Variants in NANOS2 observed in about 807,000 individuals in gnomAD.
NANOS2 encodes the protein nanos C2HC-type zinc finger 2.
A neutral mutation model predicts 6.4 loss-of-function variants in NANOS2; 3 were observed. The observed-to-expected ratio is 0.47, with a 90% confidence interval of 0.22 to 1.22. The LOEUF is 1.22. NANOS2 is among the 50% of genes most tolerant of loss of function. The pLI, the probability that NANOS2 is intolerant of heterozygous loss-of-function variation, is 0.22. For synonymous variants in NANOS2, 86 were observed against 85.6 expected (o/e 1.00, Z -0.03); for missense variants, 177 against 191.0 (o/e 0.93, Z 0.43).
In NANOS2 at chr19:45,914,725, G is replaced by C. The variant is rs1967452418; in HGVS notation, c.-32C>G. Reference sequence around the variant, plus strand: ...AAAGCAGGGGTGGTGGGCCACAGGAGAGGGGCTGGGGCTGGGGGCCCGTGG... The same window carrying C: ...AAAGCAGGGGTGGTGGGCCACAGGACAGGGGCTGGGGCTGGGGGCCCGTGG... On this transcript the variant is annotated 5_prime_UTR_variant, in exon 1 of 1. Coordinates refer to ENST00000341294, the MANE Select transcript of NANOS2 (RefSeq NM_001029861.3). The C allele has an allele frequency of 2.5e-6, 4 of 1,581,584 alleles. No individual in the cohort carries two copies. Among genetic ancestry groups the C allele is most frequent in the South Asian group, 1.2e-5 (1 of 85,796 alleles).
Position 45,914,393 on chromosome 19 carries a change from A to ACACG in NANOS2, c.297_300dup (p.Cys101ArgfsTer7), listed in dbSNP as rs1967446473. On this transcript the variant is annotated frameshift_variant, in exon 1 of 1. Transcript: ENST00000341294. LOFTEE classifies it high-confidence loss of function. ...TGGGCCTGGTCACCGGTGGCCCCGC[A>ACACG]CACGGGACACACGTAGTGCCTCAGG... 6.2e-7 allele frequency: 1 copy of ACACG among 1,614,036 alleles called. No individual in the cohort carries two copies. The highest frequency in any genetic ancestry group is 1.1e-5 in the South Asian group (1 of 91,092).
Position 45,914,713 on chromosome 19 carries a change from T to TG in NANOS2, c.-21dup, listed in dbSNP as rs781549950. On this transcript the variant is annotated 5_prime_UTR_variant, in exon 1 of 1. Transcript: ENST00000341294. The stretch of plus-strand genomic sequence containing the variant: ...CTGCATGGCACCAAAGCAGGGGTGG[T>TG]GGGCCACAGGAGAGGGGCTGGGGCT... 21 of 1,594,862 alleles carry TG rather than the reference T, an allele frequency of 1.3e-5. 1 individual carries two copies. In the South Asian group the frequency reaches 2.4e-4, roughly 18 times the overall value.
Position 45,914,318 on chromosome 19 carries a change from G to A in NANOS2, c.376C>T (p.Arg126Cys), listed in dbSNP as rs1191369095. Residue 126 changes from arginine (R) to cysteine (C), a missense_variant, in exon 1 of 1, where the codon CGC becomes TGC. Coordinates refer to ENST00000341294, the MANE Select transcript of NANOS2 (RefSeq NM_001029861.3). ...LNGGQQSLYR[R>C]SGRNSAGRRV... The stretch of plus-strand genomic sequence containing the variant: ...CGTCCGGCCGAGTTGCGCCCGCTGC[G>A]GCGGTAGAGGGACTGCTGGCCACCG... 2 of 1,613,506 alleles carry A rather than the reference G, an allele frequency of 1.2e-6. No homozygotes were observed. The highest frequency in any genetic ancestry group is 4.5e-5 in the East Asian group (2 of 44,896).
Position 45,914,737 on chromosome 19 carries a change from C to T in NANOS2, c.-44G>A. Reference sequence around the variant, plus strand: ...GTGGGCCACAGGAGAGGGGCTGGGGCTGGGGGCCCGTGGGCAAGGGCAAGA... The same window carrying T: ...GTGGGCCACAGGAGAGGGGCTGGGGTTGGGGGCCCGTGGGCAAGGGCAAGA... On this transcript the variant is annotated 5_prime_UTR_variant, in exon 1 of 1. Transcript: ENST00000341294. 6.4e-7 allele frequency: 1 copy of T among 1,559,132 alleles called. No homozygotes were observed. Among genetic ancestry groups the T allele is most frequent in the Non-Finnish European group, 8.7e-7 (1 of 1,151,216 alleles).
In NANOS2 at chr19:45,914,071, C is replaced by A. The variant is rs140244049; in HGVS notation, c.*206G>T. The A allele has an allele frequency of 1.7e-3, 1,025 of 605,570 alleles. 4 individuals are homozygous for A. In the African/African-American group the frequency reaches 0.017, roughly 10 times the overall value. The allele number at this position is 605,570 out of a possible 1,614,324, so 37.5% of individuals were successfully genotyped here. On this transcript the variant is annotated 3_prime_UTR_variant, in exon 1 of 1. Transcript: ENST00000341294. ...CCAAGGACCCTCAGGCCAACGCCCA[C>A]AGGCCAGAGCTCCGAGGGCTGACAG...
chr19:45,914,342 C>T lies in NANOS2; in HGVS notation c.352G>A (p.Gly118Ser). 1.2e-6 allele frequency: 2 copies of T among 1,613,972 alleles called. No individual in the cohort carries two copies. Among genetic ancestry groups the T allele is most frequent in the African/African-American group, 1.3e-5 (1 of 75,066 alleles). ...AHTLKYCPLN[G>S]GQQSLYRRSG... ...CGGCGGTAGAGGGACTGCTGGCCAC[C>T]GTTAAGCGGGCAGTACTTGAGCGTA... Residue 118 changes from glycine to serine, a missense_variant, in exon 1 of 1, where the codon GGT becomes AGT. By Grantham distance (56) the Gly-to-Ser change is moderately conservative. Coordinates refer to ENST00000341294, the MANE Select transcript of NANOS2 (RefSeq NM_001029861.3).
In NANOS2 at chr19:45,914,030, A is replaced by G; in HGVS notation, c.*247T>C. ...AGAGGGCGCTACAGGGCCGTGCAGG[A>G]AGGGTTCCCGCGGCACCAAGGACCC... On this transcript the variant is annotated 3_prime_UTR_variant, in exon 1 of 1. Coordinates refer to ENST00000341294, the MANE Select transcript of NANOS2 (RefSeq NM_001029861.3). The G allele has an allele frequency of 1.8e-6, 1 of 552,360 alleles. No homozygotes were observed. Among genetic ancestry groups the G allele is most frequent in the Non-Finnish European group, 3.2e-6 (1 of 309,692 alleles). 34.2% of individuals were successfully genotyped at this position (552,360 alleles called of 1,614,324 possible).
rs1005679394 is a variant in NANOS2, at chr19:45,913,499, A to G, written c.*778T>C. 6 of 152,130 alleles carry G rather than the reference A, an allele frequency of 3.9e-5. No homozygotes were observed. The highest frequency in any genetic ancestry group is 1.2e-4 in the African/African-American group (5 of 41,494). 9.4% of individuals were successfully genotyped at this position (152,130 alleles called of 1,614,324 possible). On this transcript the variant is annotated 3_prime_UTR_variant, in exon 1 of 1. Coordinates refer to ENST00000341294, the MANE Select transcript of NANOS2 (RefSeq NM_001029861.3). ...GTCGGACGGGAGGTGGTCGAGAGATATGCTTCTCGCTGGGGGAAAGGACCC... is the reference window on the plus strand; with the variant it reads ...GTCGGACGGGAGGTGGTCGAGAGATGTGCTTCTCGCTGGGGGAAAGGACCC...
chr19:45,914,318 G>T lies in NANOS2; in HGVS notation c.376C>A (p.Arg126Ser), dbSNP rs1191369095. 1 of 1,613,622 alleles carries T rather than the reference G, an allele frequency of 6.2e-7. No homozygotes were observed. Among genetic ancestry groups the T allele is most frequent in the South Asian group, 1.1e-5 (1 of 91,068 alleles). Residue 126 changes from arginine (R) to serine (S), a missense_variant, in exon 1 of 1, where the codon CGC becomes AGC. By Grantham distance (110) the Arg-to-Ser change is moderately radical. Coordinates refer to ENST00000341294, the MANE Select transcript of NANOS2 (RefSeq NM_001029861.3). ...LNGGQQSLYR[R>S]SGRNSAGRRV... ...CGTCCGGCCGAGTTGCGCCCGCTGC[G>T]GCGGTAGAGGGACTGCTGGCCACCG...
Position 45,914,390 on chromosome 19 carries a change from C to T in NANOS2, c.304G>A (p.Gly102Arg), listed in dbSNP as rs751534299. The change falls in exon 1 of 1, where the codon GGG becomes AGG. Residue 102 changes from glycine (G) to arginine (R), a missense_variant. Physicochemically the swap from Gly to Arg is moderately radical, Grantham distance 125. Coordinates refer to ENST00000341294, the MANE Select transcript of NANOS2 (RefSeq NM_001029861.3). ...GTATGGGCCTGGTCACCGGTGGCCC[C>T]GCACACGGGACACACGTAGTGCCTC... ...ILRHYVCPVCGATGDQAHTLK... is the reference protein window; with the variant it reads ...ILRHYVCPVCRATGDQAHTLK... 6 of 1,614,146 alleles carry T rather than the reference C, an allele frequency of 3.7e-6. No homozygotes were observed. Among genetic ancestry groups the T allele is most frequent in the Non-Finnish European group, 1.7e-6 (2 of 1,179,998 alleles).
In NANOS2 at chr19:45,914,472, G is replaced by A. The variant is rs1188727161; in HGVS notation, c.222C>T (p.His74=). The A allele has an allele frequency of 3.1e-6, 5 of 1,614,040 alleles. No individual in the cohort carries two copies. Among genetic ancestry groups the A allele is most frequent in the Non-Finnish European group, 4.2e-6 (5 of 1,180,006 alleles). ...TCTTCAGCTGGTGTGAGGAGTAGAC[G>A]TGGCGGGACTCCCCGTTGTGCTTGC... ...NFCKHNGESR[H]VYSSHQLKTP... is the part of the protein sequence containing the mutation. The change falls in exon 1 of 1, where the codon CAC becomes CAT. Residue 74 remains histidine, a synonymous_variant. Transcript: ENST00000341294.
chr19:45,914,114 T>G lies in NANOS2; in HGVS notation c.*163A>C, dbSNP rs1025283501. 1.1e-5 allele frequency: 8 copies of G among 727,910 alleles called. No individual in the cohort carries two copies. Among genetic ancestry groups the G allele is most frequent in the African/African-American group, 3.6e-5 (2 of 56,208 alleles). 45.1% of individuals were successfully genotyped at this position (727,910 alleles called of 1,614,324 possible). On this transcript the variant is annotated 3_prime_UTR_variant, in exon 1 of 1. Coordinates refer to ENST00000341294, the MANE Select transcript of NANOS2 (RefSeq NM_001029861.3). ...GCTGACAGGTCCAAGGGGGCGGGGC[T>G]GGCCTGGCTCCCAGCAGCCTCCACT...
chr19:45,914,384 T>C lies in NANOS2; in HGVS notation c.310A>G (p.Thr104Ala). ...TTGAGCGTATGGGCCTGGTCACCGGTGGCCCCGCACACGGGACACACGTAG... is the reference window on the plus strand; with the variant it reads ...TTGAGCGTATGGGCCTGGTCACCGGCGGCCCCGCACACGGGACACACGTAG... ...RHYVCPVCGA[T>A]GDQAHTLKYC... is the part of the protein sequence containing the mutation. Residue 104 changes from threonine (T) to alanine (A), a missense_variant, in exon 1 of 1, where the codon ACC becomes GCC. Thr to Ala is a moderately conservative substitution (Grantham distance 58). Transcript: ENST00000341294. 1 of 1,614,098 alleles carries C rather than the reference T, an allele frequency of 6.2e-7. No homozygotes were observed.
In NANOS2 at chr19:45,914,400, A is replaced by G. The variant is rs1967446589; in HGVS notation, c.294T>C (p.Cys98=). Residue 98 remains cysteine, a synonymous_variant, in exon 1 of 1, where the codon TGT becomes TGC. Coordinates refer to ENST00000341294, the MANE Select transcript of NANOS2 (RefSeq NM_001029861.3). ...GGTCACCGGTGGCCCCGCACACGGGACACACGTAGTGCCTCAGGATGGGAC... is the reference window on the plus strand; with the variant it reads ...GGTCACCGGTGGCCCCGCACACGGGGCACACGTAGTGCCTCAGGATGGGAC... The part of the protein sequence containing the change: ...VVCPILRHYV[C]PVCGATGDQA... 6.2e-7 allele frequency: 1 copy of G among 1,614,042 alleles called. No homozygotes were observed. The highest frequency in any genetic ancestry group is 1.7e-5 in the Admixed American group (1 of 59,998).
In NANOS2 at chr19:45,914,730, G is replaced by C. The variant is rs779005244; in HGVS notation, c.-37C>G. On this transcript the variant is annotated 5_prime_UTR_variant, in exon 1 of 1. Transcript: ENST00000341294. ...AGGGGTGGTGGGCCACAGGAGAGGG[G>C]CTGGGGCTGGGGGCCCGTGGGCAAG... 7.7e-6 allele frequency: 12 copies of C among 1,565,752 alleles called. No individual in the cohort carries two copies. The South Asian group carries it at 1.4e-4, about 19-fold the overall frequency.
Position 45,914,590 on chromosome 19 carries a change from A to G in NANOS2, c.104T>C (p.Ile35Thr). 2 of 1,614,162 alleles carry G rather than the reference A, an allele frequency of 1.2e-6. No individual in the cohort carries two copies. The highest frequency in any genetic ancestry group is 1.7e-6 in the Non-Finnish European group (2 of 1,180,010). The change falls in exon 1 of 1, where the codon ATT becomes ACT. Residue 35 changes from isoleucine (I) to threonine (T), a missense_variant. Coordinates refer to ENST00000341294, the MANE Select transcript of NANOS2 (RefSeq NM_001029861.3). Reference sequence around the variant, plus strand: ...CGGAGGCCCGGGACTTGGCTCCTCAATCTCTTGGGTCTCCAGCCTTTGACC... The same window carrying G: ...CGGAGGCCCGGGACTTGGCTCCTCAGTCTCTTGGGTCTCCAGCCTTTGACC... ...SRGQRLETQE[I>T]EEPSPGPPLG...
chr19:45,913,337 A>G lies in NANOS2; in HGVS notation c.*940T>C, dbSNP rs1057310950. The G allele has an allele frequency of 1.3e-5, 2 of 152,204 alleles. No homozygotes were observed. The highest frequency in any genetic ancestry group is 4.8e-5 in the African/African-American group (2 of 41,446). 9.4% of individuals were successfully genotyped at this position (152,204 alleles called of 1,614,324 possible). On this transcript the variant is annotated 3_prime_UTR_variant, in exon 1 of 1. Coordinates refer to ENST00000341294, the MANE Select transcript of NANOS2 (RefSeq NM_001029861.3). The stretch of plus-strand genomic sequence containing the variant: ...CCCTTCTTCTCTTTGCCCCTAAAAT[A>G]AAAGCTAGGCCATTGCCATTCCCAT...
chr19:45,914,159 G>A lies in NANOS2; in HGVS notation c.*118C>T. 9.6e-7 allele frequency: 1 copy of A among 1,036,558 alleles called. No homozygotes were observed. The highest frequency in any genetic ancestry group is 1.4e-6 in the Non-Finnish European group (1 of 724,442). The allele number at this position is 1,036,558 out of a possible 1,614,324, so 64.2% of individuals were successfully genotyped here. ...TCCACTGTTTCAGGATCCAGCCAGG[G>A]TGGAGTTCTGGGGGCCAGAAATTCC... is the stretch of plus-strand genomic sequence containing the variant. On this transcript the variant is annotated 3_prime_UTR_variant, in exon 1 of 1. Coordinates refer to ENST00000341294, the MANE Select transcript of NANOS2 (RefSeq NM_001029861.3).
At position 45,913,958 on chromosome 19, in the gene NANOS2, G is replaced by A; in HGVS notation, c.*319C>T. The A allele has an allele frequency of 2.6e-6, 1 of 384,548 alleles. No individual in the cohort carries two copies. Among genetic ancestry groups the A allele is most frequent in the Non-Finnish European group, 4.8e-6 (1 of 210,252 alleles). The allele number at this position is 384,548 out of a possible 1,614,324, so 23.8% of individuals were successfully genotyped here. ...GAGAAGTCGAAGGGGCAGGGCTCCA[G>A]TCACCAGCAGGCCCCACGAGGACAA... On this transcript the variant is annotated 3_prime_UTR_variant, in exon 1 of 1. Transcript: ENST00000341294.
Sources: gnomAD v4.1 joint callset for allele counts on GRCh38, gnomAD v4.1.1 for gene constraint, MANE v1.5 for transcripts, NCBI Gene and HGNC (gene_info 2026-07-23, HGNC 2026-07-21) for gene names.